Variants in ERAP2 observed in about 807,000 individuals in gnomAD.
ERAP2 encodes the protein endoplasmic reticulum aminopeptidase 2, also known as leukocyte-derived arginine aminopeptidase.
A neutral mutation model predicts 111.1 loss-of-function variants in ERAP2; 118 were observed. The observed-to-expected ratio is 1.06, with a 90% CI of 0.92 to 1.24. The LOEUF (loss-of-function observed/expected upper bound fraction) is 1.24, where lower values mean the gene tolerates loss of function less well. Ranked by LOEUF, ERAP2 falls within the 50% of genes most tolerant of loss-of-function variation. The probability of loss-of-function intolerance (pLI) is 0.00; values close to 1 mark genes in which losing one functional copy is unlikely to be tolerated. For missense variants in ERAP2, 1,131 were observed against 1,125.8 expected (o/e 1.00, Z -0.07); for synonymous variants, 410 against 401.2 (o/e 1.02, Z -0.26).
intron 9 of ERAP2, among the ~76,000 whole-genome samples, chr5:96,899,220 T>C (rs1429008547): frequency 9.1e-6 from 1 of 109,632 alleles, no homozygotes; most frequent in South Asian, 3.8e-4. Context: ...AAATCAGTAC[T>C]TAAAATTTGT....
At chr5:96,909,172 A>T (rs1215017005) in intron 14 of ERAP2, 55 bp downstream of exon 14, 8 of 1,555,928 alleles carry the variant, frequency 5.1e-6, no homozygotes, top group East Asian at 2.2e-5. Flanking sequence ...CTGGAGTATC[A>T]GTCAGGCTCA....
intron 16 of ERAP2, 145 bp from the exon 17 acceptor site, chr5:96,913,172 A>G: frequency 1.6e-6 from 1 of 632,894 alleles, no homozygotes; most frequent in East Asian, 3.1e-5. Flanking sequence ...AAAAAGTAAA[A>G]GTTTAATTGA....
chr5:96,896,489 A>G lies in ERAP2; in HGVS notation c.1356A>G (p.Glu452=). ...CTCAAATACAGGAAATGTTTGATGAAGTTTCCTATAACAAGGTAGTAAATA... is the reference window on the plus strand; with the variant it reads ...CTCAAATACAGGAAATGTTTGATGAGGTTTCCTATAACAAGGTAGTAAATA... ...TPTQIQEMFD[E]VSYNKGACIL... The change falls in exon 8 of 19, where the codon GAA becomes GAG. Residue 452 remains glutamate, a synonymous_variant. Coordinates refer to ENST00000437043, the MANE Select transcript of ERAP2 (RefSeq NM_022350.5). 6.2e-7 allele frequency: 1 copy of G among 1,613,390 alleles called. No homozygotes were observed. Among genetic ancestry groups the G allele is most frequent in the Non-Finnish European group, 8.5e-7 (1 of 1,179,612 alleles).
intron 1 of ERAP2, 108 bp downstream of exon 1, chr5:96,876,635 A>G (rs889439085): frequency 4.6e-5 from 7 of 152,356 alleles, no homozygotes; most frequent in African/African-American, 1.7e-4. Context: ...TTGTAATCTA[A>G]GGCAAGGTTC....
At chr5:96,913,168 T>A (rs1411338586) in intron 16 of ERAP2, 149 bp from the exon 17 acceptor site, 13 of 628,570 alleles carry the variant, frequency 2.1e-5, no homozygotes, top group Non-Finnish European at 3.4e-5. Context: ...TCTAAAAAAG[T>A]AAAAGTTTAA....
chr5:96,892,196 G>A, intron 5 of ERAP2, 103 bp from the exon 6 acceptor site: 1 of 1,185,740 alleles, frequency 8.4e-7, no homozygotes, highest in Non-Finnish European at 1.2e-6. Flanking sequence ...CAAAAAGTCT[G>A]CTTAAATATG....
At chr5:96,876,807 G>C (rs1782582270) in intron 1 of ERAP2, among the ~76,000 whole-genome samples, 1 of 152,070 alleles carries the variant, frequency 6.6e-6, no homozygotes, top group Non-Finnish European at 1.5e-5. Flanking sequence ...AGGATGTTTT[G>C]TTCACTGCAT....
chr5:96,882,640 T>C (rs1271439382), intron 2 of ERAP2, among the ~76,000 whole-genome samples: 1 of 152,228 alleles, frequency 6.6e-6, no homozygotes, highest in Non-Finnish European at 1.5e-5. Flanking sequence ...TTTTGTTTTT[T>C]CAATGTAGAC....
Position 96,903,571 on chromosome 5 carries a change from A to G in ERAP2, c.2012+11A>G. ...GTTTCAGCTAGTTGGGTAAGGCAAC[A>G]TTTCCTCTGACTTCATGCAAAATAA... is the stretch of plus-strand genomic sequence containing the variant. On this transcript the variant is annotated intron_variant, in intron 13 of 18. Coordinates refer to ENST00000437043, the MANE Select transcript of ERAP2 (RefSeq NM_022350.5). 6.3e-7 allele frequency: 1 copy of G among 1,584,642 alleles called. No individual in the cohort carries two copies. Among genetic ancestry groups the G allele is most frequent in the Non-Finnish European group, 8.6e-7 (1 of 1,166,740 alleles).
chr5:96,899,280 T>C (rs1238274393), intron 9 of ERAP2, among the ~76,000 whole-genome samples: 2 of 152,226 alleles, frequency 1.3e-5, no homozygotes, highest in African/African-American at 4.8e-5. Flanking sequence ...TTCCTAGTTT[T>C]AAGAAAAGTC....
chr5:96,910,264 C>CAAAAAAAA (rs11455840), intron 15 of ERAP2: 1 of 134,860 alleles, frequency 7.4e-6, no homozygotes. Flanking sequence ...GGCCCTGTCT[C>CAAAAAAAA]AAAAAAAAAA....
chr5:96,908,034 A>C (rs1413952197), intron 13 of ERAP2, among the ~76,000 whole-genome samples: 1 of 152,208 alleles, frequency 6.6e-6, no homozygotes. Context: ...AAGGGACAAC[A>C]AAAGTTGGTT....
chr5:96,914,262 T>A (rs754001767), intron 17 of ERAP2, among the ~76,000 whole-genome samples: 3 of 152,142 alleles, frequency 2.0e-5, no homozygotes, highest in Non-Finnish European at 2.9e-5. Context: ...CAGAGAGGTA[T>A]GATTTGCTTT....
rs1323180607 is a variant in ERAP2 at position 96,896,712 on chromosome 5, T to A, written c.1372-20T>A. The A allele has an allele frequency of 1.9e-6, 3 of 1,554,978 alleles. No homozygotes were observed. Among genetic ancestry groups the A allele is most frequent in the Non-Finnish European group, 2.6e-6 (3 of 1,159,088 alleles). On this transcript the variant is annotated intron_variant, in intron 8 of 18. Transcript: ENST00000437043. ...CATTTTCTTTATCTCTTTTTTCAAC[T>A]CTTTTGTTTTTTTTTAAAGGGAGCT...
chr5:96,913,489 T>C (rs1310214794), intron 17 of ERAP2, 32 bp downstream of exon 17: 2 of 1,611,706 alleles, frequency 1.2e-6, no homozygotes, highest in African/African-American at 1.3e-5. Context: ...ATGTTTGTTC[T>C]TCCATGCAGA....
intron 6 of ERAP2, 93 bp from the exon 7 acceptor site, chr5:96,895,153 A>G: frequency 1.6e-6 from 1 of 644,146 alleles, no homozygotes; most frequent in Non-Finnish European, 2.5e-6. Flanking sequence ...ATCCTAACTA[A>G]TAAAAAAAAA....
intron 15 of ERAP2, among the ~76,000 whole-genome samples, chr5:96,912,127 C>T (rs1360871815): frequency 6.8e-6 from 1 of 147,884 alleles, no homozygotes; most frequent in East Asian, 2.0e-4. Context: ...GGGGGCGGAG[C>T]CTGCAGTGAG....
rs181869979 is a variant in ERAP2 at position 96,886,354 on chromosome 5, A to G, written c.715-301A>G. ...TGATGCCAGTGTTGGAAATTATTGC[A>G]TTTTAAGAAAATAGAAATATGTAAT... is the stretch of plus-strand genomic sequence containing the variant. On this transcript the variant is annotated intron_variant, in intron 3 of 18. Coordinates refer to ENST00000437043, the MANE Select transcript of ERAP2 (RefSeq NM_022350.5). Among the ~76,000 whole-genome samples, 9 of 152,374 alleles carry G rather than the reference A, an allele frequency of 5.9e-5. No homozygotes were observed. In the East Asian group the frequency reaches 1.7e-3, roughly 29 times the overall value.
rs375953006 is a variant in ERAP2, at chr5:96,917,644, C to T, written c.*39C>T. 2.3e-5 allele frequency: 35 copies of T among 1,547,436 alleles called. No homozygotes were observed. The highest frequency in any genetic ancestry group is 1.0e-4 in the South Asian group (9 of 86,204). On this transcript the variant is annotated 3_prime_UTR_variant, in exon 19 of 19. Transcript: ENST00000437043. Reference sequence around the variant, plus strand: ...AAAGTAGGCTGGGCGCGGTGGCTCACGCCTGTAATCCCAGCACTTTGGGAG... The same window carrying T: ...AAAGTAGGCTGGGCGCGGTGGCTCATGCCTGTAATCCCAGCACTTTGGGAG...
Sources: gnomAD v4.1 joint callset for allele counts (sites outside exome capture counted in the v4.1 genomes callset) on GRCh38, gnomAD v4.1.1 for gene constraint, MANE v1.5 for transcripts, NCBI Gene and HGNC (gene_info 2026-07-23, HGNC 2026-07-21) for gene names.